The following SCHIP1 variants were observed in gnomAD, a reference collection of about 807,000 sequenced individuals.
The protein encoded by SCHIP1 is schwannomin interacting protein 1, also known as schwannomin-interacting protein 1.
A neutral mutation model predicts 29.7 loss-of-function variants in SCHIP1; 8 were observed. That is an observed-to-expected ratio of 0.27 (90% CI 0.16 to 0.49). The LOEUF (loss-of-function observed/expected upper bound fraction) is 0.49. SCHIP1 is among the 20% of genes least tolerant of loss of function. The probability of loss-of-function intolerance (pLI) is 0.99; values close to 1 mark genes in which losing one functional copy is unlikely to be tolerated. For synonymous variants in SCHIP1, 76 were observed against 94.9 expected (o/e 0.80, Z 1.16); for missense variants, 193 against 294.6 (o/e 0.66, Z 2.52).
the SCHIP1 span, among the ~76,000 whole-genome samples, chr3:159,796,531 G>A: frequency 6.6e-6 from 1 of 152,170 alleles, no homozygotes; most frequent in Non-Finnish European, 1.5e-5. Context: ...TGTGAACATA[G>A]CGTGACTGGA....
At chr3:159,524,004 C>T in the SCHIP1 span, among the ~76,000 whole-genome samples, 1 of 152,234 alleles carries the variant, frequency 6.6e-6, no homozygotes, top group Non-Finnish European at 1.5e-5. Context: ...CTCAGCATTT[C>T]CTGATGCAGA....
chr3:159,369,621 C>T, the SCHIP1 span, among the ~76,000 whole-genome samples: 1 of 151,938 alleles, frequency 6.6e-6, no homozygotes. Context: ...GATAACTGCC[C>T]CCAAGTGATA....
the SCHIP1 span, among the ~76,000 whole-genome samples, chr3:159,751,234 C>T: frequency 6.6e-6 from 1 of 152,078 alleles, no homozygotes; most frequent in Admixed American, 6.5e-5. Context: ...CTCTTTATGG[C>T]CTGAGAGCTA....
chr3:159,757,803 C>T, the SCHIP1 span, among the ~76,000 whole-genome samples: 2 of 152,206 alleles, frequency 1.3e-5, no homozygotes. Flanking sequence ...TCCCACCAAG[C>T]TACCTCCATG....
chr3:159,520,611 TG>T, the SCHIP1 span, among the ~76,000 whole-genome samples: 1 of 152,234 alleles, frequency 6.6e-6, no homozygotes, highest in Non-Finnish European at 1.5e-5. Flanking sequence ...TGTCTTCTAG[TG>T]TGCATTCCAT....
At chr3:159,699,800 T>C in the SCHIP1 span, among the ~76,000 whole-genome samples, 1 of 152,322 alleles carries the variant, frequency 6.6e-6, no homozygotes, top group Admixed American at 6.5e-5. Flanking sequence ...GAGAATATCT[T>C]TAAGATACTC....
chr3:159,744,272 C>T, the SCHIP1 span, among the ~76,000 whole-genome samples: 1 of 152,030 alleles, frequency 6.6e-6, no homozygotes, highest in East Asian at 1.9e-4. Flanking sequence ...TTTAACTCTC[C>T]CTAAAACATA....
the SCHIP1 span, among the ~76,000 whole-genome samples, chr3:159,342,859 CT>C: frequency 6.6e-6 from 1 of 152,126 alleles, no homozygotes; most frequent in East Asian, 1.9e-4. Flanking sequence ...TAAAATTTTT[CT>C]TTTTTTAATA....
intron 1 of SCHIP1, among the ~76,000 whole-genome samples, chr3:159,858,871 C>T (rs1269088708): frequency 6.6e-6 from 1 of 152,144 alleles, no homozygotes; most frequent in Non-Finnish European, 1.5e-5. Context: ...TTTAAGGAAA[C>T]ATGTTTAGGC....
At chr3:159,307,188 A>G in the SCHIP1 span, among the ~76,000 whole-genome samples, 20 of 152,356 alleles carry the variant, frequency 1.3e-4, no homozygotes, top group African/African-American at 4.6e-4. Flanking sequence ...AAATTAGAGC[A>G]GGACATAAAA....
At chr3:159,770,307 TG>T in the SCHIP1 span, among the ~76,000 whole-genome samples, 1 of 152,258 alleles carries the variant, frequency 6.6e-6, no homozygotes, top group African/African-American at 2.4e-5. Context: ...TCACCCAGGC[TG>T]GAGTGCAATG....
the SCHIP1 span, among the ~76,000 whole-genome samples, chr3:159,665,017 A>T: frequency 1.3e-5 from 2 of 152,184 alleles, no homozygotes; most frequent in African/African-American, 4.8e-5. Context: ...AGGAGTGTAG[A>T]CCGAGCTGAA....
the SCHIP1 span, among the ~76,000 whole-genome samples, chr3:159,614,330 T>C: frequency 2.5e-4 from 38 of 152,368 alleles, no homozygotes; most frequent in Middle Eastern, 3.4e-3. Context: ...CCATAATTTC[T>C]TTGGCAAAAT....
the SCHIP1 span, among the ~76,000 whole-genome samples, chr3:159,545,627 A>G: frequency 6.7e-6 from 1 of 148,200 alleles, no homozygotes; most frequent in Non-Finnish European, 1.5e-5. Context: ...CACAATATAT[A>G]TACAATATAT....
At chr3:159,778,568 C>T in the SCHIP1 span, among the ~76,000 whole-genome samples, 1 of 152,138 alleles carries the variant, frequency 6.6e-6, no homozygotes, top group Non-Finnish European at 1.5e-5. Flanking sequence ...TATTCGACAA[C>T]TGTAATAAGT....
chr3:159,452,604 T>C, the SCHIP1 span, among the ~76,000 whole-genome samples: 1 of 152,200 alleles, frequency 6.6e-6, no homozygotes, highest in Admixed American at 6.5e-5. Context: ...AGTGCTGCAA[T>C]AAATATACGT....
chr3:159,345,553 T>TC, the SCHIP1 span, among the ~76,000 whole-genome samples: 4,592 of 96,186 alleles, frequency 0.048, 201 homozygotes, highest in African/African-American at 0.15. Context: ...AGTGTCTCTC[T>TC]TTCTCTCTCT....
At chr3:159,680,352 T>C in the SCHIP1 span, among the ~76,000 whole-genome samples, 2 of 149,560 alleles carry the variant, frequency 1.3e-5, no homozygotes, top group Non-Finnish European at 3.0e-5. Context: ...CTACTAAAAA[T>C]ACAAAAATTA....
At chr3:159,393,922 G>A in the SCHIP1 span, among the ~76,000 whole-genome samples, 7 of 152,164 alleles carry the variant, frequency 4.6e-5, no homozygotes, top group South Asian at 2.1e-4. Context: ...CCATTTTCAC[G>A]ATATTGATTC....
Sources: gnomAD v4.1 joint callset for allele counts (sites outside exome capture counted in the v4.1 genomes callset) on GRCh38, gnomAD v4.1.1 for gene constraint, MANE v1.5 for transcripts, NCBI Gene and HGNC (gene_info 2026-07-23, HGNC 2026-07-21) for gene names.